The following ME1 variants were observed in gnomAD, a reference collection of about 807,000 sequenced individuals.
The protein encoded by ME1 is NADP-dependent malic enzyme.
ME1 carries 74 observed loss-of-function variants against 66.4 expected under a neutral mutation model. That is an observed-to-expected ratio of 1.11 (90% CI 0.92 to 1.35). The LOEUF (loss-of-function observed/expected upper bound fraction) is 1.35. Among genes scored for constraint, ME1 ranks in the 40% most tolerant of loss-of-function variants. The probability of loss-of-function intolerance (pLI) is 0.00; values close to 1 mark genes in which losing one functional copy is unlikely to be tolerated. For missense variants in ME1, 750 were observed against 694.1 expected (o/e 1.08, Z -0.90); for synonymous variants, 251 against 235.6 (o/e 1.07, Z -0.60).
At chr6:83,312,598 G>A (rs1767952019) in intron 6 of ME1, among the ~76,000 whole-genome samples, 1 of 152,136 alleles carries the variant, frequency 6.6e-6, no homozygotes, top group South Asian at 2.1e-4. Context: ...AGAGAGGGAG[G>A]TTGATGGGCA....
intron 3 of ME1, among the ~76,000 whole-genome samples, chr6:83,362,054 G>A (rs984720125): frequency 2.6e-5 from 4 of 152,198 alleles, no homozygotes; most frequent in African/African-American, 4.8e-5. Context: ...GATAACACCC[G>A]AAAGTGGACA....
chr6:83,264,631 T>C (rs1358620075), intron 6 of ME1, among the ~76,000 whole-genome samples: 1 of 152,074 alleles, frequency 6.6e-6, no homozygotes, highest in Non-Finnish European at 1.5e-5. Context: ...ATGGATGACT[T>C]TGAGGGGTTC....
At chr6:83,357,931 CTCTCTATATATATATATATATATA>C (rs1408840805) in intron 3 of ME1, among the ~76,000 whole-genome samples, 3 of 51,754 alleles carry the variant, frequency 5.8e-5, no homozygotes, top group Non-Finnish European at 1.1e-4. Flanking sequence ...CTCTCTCTCT[CTCTCTATATATATATATATATATA>C]TATATATATA....
At chr6:83,388,470 C>A (rs1048797705) in intron 3 of ME1, among the ~76,000 whole-genome samples, 2 of 152,068 alleles carry the variant, frequency 1.3e-5, no homozygotes, top group Non-Finnish European at 2.9e-5. Context: ...GATCAAGAAA[C>A]CTGAGAGTTA....
At position 83,311,630 on chromosome 6, in the gene ME1, G is replaced by A. The variant is rs553741379; in HGVS notation, c.704+3680C>T. On this transcript the variant is annotated intron_variant, in intron 6 of 13. Coordinates refer to ENST00000369705, the MANE Select transcript of ME1 (RefSeq NM_002395.6). The stretch of plus-strand genomic sequence containing the variant: ...AACACACCATTTCCCAAAGCCATAA[G>A]GAATATGCCAATGAGAAGACATCAA... Among the ~76,000 whole-genome samples, 7 of 152,196 alleles carry A rather than the reference G, an allele frequency of 4.6e-5. No homozygotes were observed. In the East Asian group the frequency reaches 1.4e-3, roughly 29 times the overall value.
At chr6:83,387,950 C>T (rs1769542851) in intron 3 of ME1, among the ~76,000 whole-genome samples, 1 of 152,140 alleles carries the variant, frequency 6.6e-6, no homozygotes, top group Non-Finnish European at 1.5e-5. Flanking sequence ...ACATCATCTA[C>T]CAAGTTCCAG....
intron 2 of ME1, among the ~76,000 whole-genome samples, chr6:83,405,513 T>C (rs142325219): frequency 0.02 from 3,109 of 152,240 alleles, 96 homozygotes; most frequent in African/African-American, 0.071. Flanking sequence ...TCTTGCCTGA[T>C]TGACCTAGCC....
chr6:83,358,805 C>A (rs1433817906), intron 3 of ME1, among the ~76,000 whole-genome samples: 1 of 152,144 alleles, frequency 6.6e-6, no homozygotes, highest in East Asian at 1.9e-4. Context: ...AGGAGATAAA[C>A]CCTGCGCTAC....
chr6:83,328,914 A>C (rs995443311), intron 5 of ME1, among the ~76,000 whole-genome samples: 1 of 152,128 alleles, frequency 6.6e-6, no homozygotes, highest in Non-Finnish European at 1.5e-5. Flanking sequence ...AAGAGAGCTC[A>C]AAAAAAGGAG....
Position 83,212,066 on chromosome 6 carries a change from G to A in ME1, c.1577C>T (p.Thr526Ile), listed in dbSNP as rs1348973010. Residue 526 changes from threonine (T) to isoleucine (I), a missense_variant, in exon 14 of 14, where the codon ACA becomes ATA. Transcript: ENST00000369705. ...KIVKDAYQEK[T>I]ATVYPEPQNK... The stretch of plus-strand genomic sequence containing the variant: ...TTGCGGTTCAGGATAAACTGTGGCT[G>A]TCTTTTCTTGGTATGCATCTTTCAC... The A allele has an allele frequency of 1.7e-5, 27 of 1,608,610 alleles. No homozygotes were observed. Among genetic ancestry groups the A allele is most frequent in the Non-Finnish European group, 2.3e-5 (27 of 1,176,700 alleles).
At chr6:83,280,521 T>C (rs1767267544) in intron 6 of ME1, among the ~76,000 whole-genome samples, 1 of 152,176 alleles carries the variant, frequency 6.6e-6, no homozygotes, top group African/African-American at 2.4e-5. Context: ...AAAACGAACT[T>C]AGGGTTAGTA....
At chr6:83,426,489 C>T (rs189208843) in intron 1 of ME1, among the ~76,000 whole-genome samples, 3 of 152,344 alleles carry the variant, frequency 2.0e-5, no homozygotes, top group East Asian at 1.9e-4. Flanking sequence ...CAGTTTCTCA[C>T]GTTGCAGAGG....
intron 1 of ME1, among the ~76,000 whole-genome samples, chr6:83,413,929 G>A (rs1770101722): frequency 6.6e-6 from 1 of 151,760 alleles, no homozygotes; most frequent in South Asian, 2.1e-4. Flanking sequence ...GGAAACACAG[G>A]GAGATACTAC....
intron 3 of ME1, among the ~76,000 whole-genome samples, chr6:83,364,037 G>T (rs1173106484): frequency 6.6e-6 from 1 of 152,142 alleles, no homozygotes; most frequent in Non-Finnish European, 1.5e-5. Context: ...CAACTTGATA[G>T]GATTGAAAGA....
chr6:83,411,578 A>T (rs763599529), intron 1 of ME1, among the ~76,000 whole-genome samples: 2 of 152,206 alleles, frequency 1.3e-5, no homozygotes, highest in Non-Finnish European at 2.9e-5. Flanking sequence ...AAATTTATAA[A>T]CAGGTCAGTT....
intron 5 of ME1, among the ~76,000 whole-genome samples, chr6:83,342,308 T>C (rs1236547943): frequency 1.3e-5 from 2 of 152,162 alleles, no homozygotes; most frequent in Admixed American, 1.3e-4. Flanking sequence ...CTTTATTCTT[T>C]CCTTGCGTTG....
Position 83,237,276 on chromosome 6 carries a change from A to AAAGAAAGAAAGAAAGAAAGAAAGAAAGG in ME1, c.1026+440_1026+441insCCTTTCTTTCTTTCTTTCTTTCTTTCTT, listed in dbSNP as rs754296141. On this transcript the variant is annotated intron_variant, in intron 9 of 13. Coordinates refer to ENST00000369705, the MANE Select transcript of ME1 (RefSeq NM_002395.6). ...GAAAGAAAGAAAGAAAGAAAGAAAG[A>AAAGAAAGAAAGAAAGAAAGAAAGAAAGG]AAGGAAGGAAGGAAGGAAAGAAAGA... 4.3e-4 allele frequency among the ~76,000 whole-genome samples: 32 copies of AAAGAAAGAAAGAAAGAAAGAAAGAAAGG among 73,680 alleles called. 1 individual carries two copies. Among genetic ancestry groups the AAAGAAAGAAAGAAAGAAAGAAAGAAAGG allele is most frequent in the African/African-American group, 8.9e-4 (15 of 16,870 alleles). 48.3% of individuals were successfully genotyped at this position (73,680 alleles called of 152,430 possible). A position where few individuals can be genotyped will look rare whatever the true frequency, so the allele number is the denominator to read the frequency against.
At chr6:83,327,267 A>C (rs969650949) in intron 5 of ME1, among the ~76,000 whole-genome samples, 9 of 152,224 alleles carry the variant, frequency 5.9e-5, no homozygotes, top group Admixed American at 4.6e-4. Context: ...TGAAAAAAGA[A>C]CAGGATAACA....
rs1768855848 is a variant in ME1 at position 83,354,648 on chromosome 6, C to CT, written c.363-2510dup. Among the ~76,000 whole-genome samples, 3 of 152,162 alleles carry CT rather than the reference C, an allele frequency of 2.0e-5. No individual in the cohort carries two copies. The South Asian group carries it at 6.2e-4, about 31-fold the overall frequency. Reference sequence around the variant, plus strand: ...CAACATTTTTATCACCTTCACAATACTTAAAAACATCTAGAATTATTTATT... The same window carrying CT: ...CAACATTTTTATCACCTTCACAATACTTTAAAAACATCTAGAATTATTTATT... On this transcript the variant is annotated intron_variant, in intron 3 of 13. Coordinates refer to ENST00000369705, the MANE Select transcript of ME1 (RefSeq NM_002395.6).
Sources: gnomAD v4.1 joint callset for allele counts (sites outside exome capture counted in the v4.1 genomes callset) on GRCh38, gnomAD v4.1.1 for gene constraint, MANE v1.5 for transcripts, NCBI Gene and HGNC (gene_info 2026-07-23, HGNC 2026-07-21) for gene names.